The following SSBP3 variants were observed in gnomAD, a reference collection of about 807,000 sequenced individuals.
SSBP3 encodes single stranded DNA binding protein 3, also known as single-stranded DNA-binding protein 3.
In SSBP3, 5 loss-of-function variants were observed where a neutral mutation model predicts 69.6. That is an observed-to-expected ratio of 0.07 (90% CI 0.04 to 0.15). The LOEUF is 0.15. Ranked by LOEUF, SSBP3 falls within the 10% of genes least tolerant of loss-of-function variation. The probability of loss-of-function intolerance (pLI) is 1.00; values close to 1 mark genes in which losing one functional copy is unlikely to be tolerated. For missense variants in SSBP3, 312 were observed against 534.0 expected (o/e 0.58, Z 4.10); for synonymous variants, 196 against 193.4 (o/e 1.01, Z -0.11).
At chr1:54,359,460 C>A (rs1218303412) in intron 4 of SSBP3, among the ~76,000 whole-genome samples, 1 of 152,130 alleles carries the variant, frequency 6.6e-6, no homozygotes, top group Admixed American at 6.5e-5. Context: ...AACTCAAAGC[C>A]CTTCACGCTT....
At chr1:54,242,288 A>T in intron 10 of SSBP3, 76 bp from the exon 11 acceptor site, 1 of 1,554,672 alleles carries the variant, frequency 6.4e-7, no homozygotes, top group African/African-American at 1.4e-5. Flanking sequence ...GCAGGGGCAG[A>T]AGGAAAGGGC....
chr1:54,382,729 T>TA (rs1647744647), intron 4 of SSBP3, among the ~76,000 whole-genome samples: 1 of 152,132 alleles, frequency 6.6e-6, no homozygotes, highest in Non-Finnish European at 1.5e-5. Context: ...CTCATGCCTA[T>TA]AATCCCAGCA....
chr1:54,406,190 T>C (rs983254523), exon 1 of SSBP3: 2 of 456,554 alleles, frequency 4.4e-6, no homozygotes, highest in Non-Finnish European at 3.7e-6. Flanking sequence ...CTCCGCGCTC[T>C]TTCCAGCTGT....
chr1:54,337,148 C>T (rs1315656764), intron 4 of SSBP3, among the ~76,000 whole-genome samples: 1 of 152,222 alleles, frequency 6.6e-6, no homozygotes, highest in East Asian at 1.9e-4. Flanking sequence ...TTACTGGCTC[C>T]CCAGTTGACC....
rs76564042 is a variant in SSBP3, at chr1:54,383,724, T to C, written c.276+18137A>G. ...TGGGCTATTTTCCATCATCCTCCAT[T>C]AACACCCCACTAAGACACAGGCTGA... On this transcript the variant is annotated intron_variant, in intron 4 of 17. Transcript: ENST00000610401. Among the ~76,000 whole-genome samples, 1,490 of 152,286 alleles carry C rather than the reference T, an allele frequency of 9.8e-3. 15 individuals are homozygous for C. The highest frequency in any genetic ancestry group is 0.014 in the Middle Eastern group (4 of 294).
intron 5 of SSBP3, among the ~76,000 whole-genome samples, chr1:54,277,704 G>C (rs1351576020): frequency 6.6e-6 from 1 of 152,182 alleles, no homozygotes; most frequent in Admixed American, 6.5e-5. Flanking sequence ...TGTACCCAAT[G>C]CTCAGTTCTC....
chr1:54,233,081 C>A (rs75118923), intron 14 of SSBP3, among the ~76,000 whole-genome samples: 1 of 148,852 alleles, frequency 6.7e-6, no homozygotes, highest in Non-Finnish European at 1.5e-5. Context: ...TGGCTGCCCA[C>A]TCTGGAAAGT....
intron 4 of SSBP3, among the ~76,000 whole-genome samples, chr1:54,308,139 A>G (rs1197936469): frequency 6.6e-6 from 1 of 152,120 alleles, no homozygotes; most frequent in Non-Finnish European, 1.5e-5. Context: ...CAAACCCCTT[A>G]CCAGAGATGC....
chr1:54,378,789 G>A (rs139171690), intron 4 of SSBP3, among the ~76,000 whole-genome samples: 6 of 152,300 alleles, frequency 3.9e-5, no homozygotes, highest in Admixed American at 2.0e-4. Context: ...AGGGGAGGCC[G>A]CAGAGCTGGA....
At chr1:54,305,025 C>G (rs1463849305) in intron 4 of SSBP3, among the ~76,000 whole-genome samples, 1 of 152,160 alleles carries the variant, frequency 6.6e-6, no homozygotes, top group African/African-American at 2.4e-5. Flanking sequence ...GGCTGTCCTC[C>G]ACGCCAGCTG....
intron 4 of SSBP3, among the ~76,000 whole-genome samples, chr1:54,384,336 A>G (rs560084764): frequency 2.6e-5 from 4 of 152,308 alleles, no homozygotes; most frequent in South Asian, 2.1e-4. Context: ...ACGAACTTGG[A>G]CTTGTTCTAA....
At chr1:54,324,627 C>T (rs1301974681) in intron 4 of SSBP3, among the ~76,000 whole-genome samples, 1 of 151,112 alleles carries the variant, frequency 6.6e-6, no homozygotes, top group Non-Finnish European at 1.5e-5. Context: ...ACAGAATTTA[C>T]CAAATGGGTC....
chr1:54,332,839 C>T (rs560692127), intron 4 of SSBP3, among the ~76,000 whole-genome samples: 4 of 152,336 alleles, frequency 2.6e-5, no homozygotes, highest in Admixed American at 2.0e-4. Flanking sequence ...AGATTCAGTG[C>T]CCACAGGGGA....
At chr1:54,346,596 C>T (rs189466938) in intron 4 of SSBP3, among the ~76,000 whole-genome samples, 113 of 152,116 alleles carry the variant, frequency 7.4e-4, no homozygotes, top group South Asian at 5.6e-3. Flanking sequence ...GGGTGGATCA[C>T]GAGGTCAGGA....
At chr1:54,274,750 TC>T (rs956763985) in intron 5 of SSBP3, among the ~76,000 whole-genome samples, 2 of 152,170 alleles carry the variant, frequency 1.3e-5, no homozygotes, top group Non-Finnish European at 2.9e-5. Flanking sequence ...TGGAACCTCT[TC>T]CTGGGATCGC....
intron 4 of SSBP3, among the ~76,000 whole-genome samples, chr1:54,346,561 T>C (rs964625089): frequency 6.6e-6 from 1 of 152,022 alleles, no homozygotes; most frequent in African/African-American, 2.4e-5. Context: ...ACACCTGTAA[T>C]CCCAACACTT....
intron 4 of SSBP3, among the ~76,000 whole-genome samples, chr1:54,338,816 C>T (rs1646555771): frequency 6.6e-6 from 1 of 152,208 alleles, no homozygotes. Context: ...CAAACAGCCC[C>T]AGCCTCCTAC....
At chr1:54,239,830 C>T (rs1027891891) in intron 13 of SSBP3, among the ~76,000 whole-genome samples, 5 of 152,144 alleles carry the variant, frequency 3.3e-5, no homozygotes, top group East Asian at 1.9e-4. Flanking sequence ...TATGGGGAGC[C>T]GAGGAGGGGG....
chr1:54,232,749 C>T lies in SSBP3; in HGVS notation c.928-3923G>A, dbSNP rs1043006846. ...CTGCGATTGCAGGCACGCGCCGCCA[C>T]GCCTGACTGGTTTTGGTGGAGACGG... is the stretch of plus-strand genomic sequence containing the variant. On this transcript the variant is annotated intron_variant, in intron 14 of 17. Coordinates refer to ENST00000610401, the Ensembl canonical transcript of SSBP3. Among the ~76,000 whole-genome samples the T allele has an allele frequency of 3.3e-5, 5 of 152,310 alleles. No homozygotes were observed. In the East Asian group the frequency reaches 5.8e-4, roughly 18 times the overall value.
Sources: allele counts gnomAD v4.1 joint callset (sites outside exome capture counted in the v4.1 genomes callset), GRCh38; gene constraint gnomAD v4.1.1; transcripts MANE v1.5; gene names NCBI Gene and HGNC (gene_info 2026-07-23, HGNC 2026-07-21).